Variants in ACSL3 observed in about 807,000 individuals in gnomAD.
The protein encoded by ACSL3 is acyl-CoA synthetase long chain family member 3.
ACSL3 carries 34 observed loss-of-function variants against 84.7 expected under a neutral mutation model. The observed-to-expected ratio is 0.40, with a 90% confidence interval of 0.31 to 0.53. The LOEUF is 0.53. ACSL3 is among the 20% of genes least tolerant of loss of function. ACSL3 has a pLI of 0.48. For missense variants in ACSL3, 680 were observed against 873.1 expected, an observed-to-expected ratio of 0.78 and a Z score of 2.79; for synonymous variants, 315 against 299.4, an observed-to-expected ratio of 1.05 and a Z score of -0.54.
rs1371376184 is a variant in ACSL3 at position 222,943,721 on chromosome 2, C to T, written c.*2067C>T. On this transcript the variant is annotated 3_prime_UTR_variant, in exon 17 of 17. Coordinates refer to ENST00000357430, the MANE Select transcript of ACSL3 (RefSeq NM_004457.5). Reference sequence around the variant, plus strand: ...AGAGTCCCCTTTTAAACAAATTTGTCTGTAAGCAAAACTATCTTTAGTGAC... The same window carrying T: ...AGAGTCCCCTTTTAAACAAATTTGTTTGTAAGCAAAACTATCTTTAGTGAC... 1 of 152,058 alleles carries T rather than the reference C, an allele frequency of 6.6e-6. No individual in the cohort carries two copies. Among genetic ancestry groups the T allele is most frequent in the African/African-American group, 2.4e-5 (1 of 41,426 alleles). 9.4% of individuals were successfully genotyped at this position (152,058 alleles called of 1,614,324 possible).
intron 1 of ACSL3, among the ~76,000 whole-genome samples, chr2:222,872,955 TG>T (rs1200884621): frequency 1.3e-5 from 2 of 152,096 alleles, no homozygotes; most frequent in Non-Finnish European, 2.9e-5. Context: ...GGCCACAGCA[TG>T]CATGAGACAG....
intron 1 of ACSL3, among the ~76,000 whole-genome samples, chr2:222,873,857 T>A (rs2106086800): frequency 6.6e-6 from 1 of 152,296 alleles, no homozygotes; most frequent in Non-Finnish European, 1.5e-5. Context: ...TTTGTTTTTC[T>A]TCATTAAATA....
chr2:222,920,604 TC>T (rs1696705774), intron 7 of ACSL3, among the ~76,000 whole-genome samples: 1 of 152,240 alleles, frequency 6.6e-6, no homozygotes, highest in South Asian at 2.1e-4. Context: ...TAATCTTGTC[TC>T]CCTGATACCT....
intron 11 of ACSL3, among the ~76,000 whole-genome samples, chr2:222,925,342 CAAA>C (rs34016050): frequency 2.8e-4 from 24 of 85,460 alleles, no homozygotes; most frequent in Middle Eastern, 6.8e-3. Context: ...ACTCTTGTCT[CAAA>C]AAAAAAAAAA....
rs147477718 is a variant in ACSL3 at position 222,927,101 on chromosome 2, G to T, written c.1377G>T (p.Thr459=). The T allele has an allele frequency of 5.6e-6, 9 of 1,614,132 alleles. No homozygotes were observed. Among genetic ancestry groups the T allele is most frequent in the Non-Finnish European group, 7.6e-6 (9 of 1,179,992 alleles). The part of the protein sequence containing the change: ...LCGGAPLSAT[T]QRFMNICFCC... Reference sequence around the variant, plus strand: ...GTGGCGCTCCACTTTCTGCAACCACGCAGCGATTCATGAACATCTGTTTCT... The same window carrying T: ...GTGGCGCTCCACTTTCTGCAACCACTCAGCGATTCATGAACATCTGTTTCT... The change falls in exon 12 of 17, where the codon ACG becomes ACT. Residue 459 remains threonine, a synonymous_variant. Coordinates refer to ENST00000357430, the MANE Select transcript of ACSL3 (RefSeq NM_004457.5).
At chr2:222,885,162 A>G (rs538435077) in intron 1 of ACSL3, among the ~76,000 whole-genome samples, 1 of 152,310 alleles carries the variant, frequency 6.6e-6, no homozygotes, top group South Asian at 2.1e-4. Context: ...TTACATACCT[A>G]GTAGGACCTG....
intron 4 of ACSL3, 60 bp from the exon 5 acceptor site, chr2:222,916,259 G>A (rs1574552081): frequency 8.8e-7 from 1 of 1,135,998 alleles, no homozygotes; most frequent in African/African-American, 1.6e-5. Flanking sequence ...ACGATATTCT[G>A]GTTTCTTCTG....
chr2:222,893,019 ATATTAT>A (rs1350759316), intron 2 of ACSL3, among the ~76,000 whole-genome samples: 1 of 152,124 alleles, frequency 6.6e-6, no homozygotes, highest in Non-Finnish European at 1.5e-5. Context: ...ATGCTAAGCC[ATATTAT>A]TATTATTGTT....
intron 4 of ACSL3, among the ~76,000 whole-genome samples, chr2:222,913,966 C>CATT (rs771171130): frequency 1.1e-4 from 16 of 152,112 alleles, no homozygotes; most frequent in Non-Finnish European, 1.3e-4. Flanking sequence ...TTATCATTAT[C>CATT]ATGATTATTA....
Position 222,921,393 on chromosome 2 carries a change from G to GGT in ACSL3, c.920_921dup (p.Ile308ValfsTer2). ...GATCTCACATAGTAACATTATTGCTGGTATAACTGGGATGGCAGAAAGGAT... is the reference window on the plus strand; with the variant it reads ...GATCTCACATAGTAACATTATTGCTGGTGTATAACTGGGATGGCAGAAAGGAT... On this transcript the variant is annotated frameshift_variant, in exon 8 of 17. Transcript: ENST00000357430. LOFTEE classifies it high-confidence loss of function. 6.3e-7 allele frequency: 1 copy of GGT among 1,593,634 alleles called. No homozygotes were observed. The highest frequency in any genetic ancestry group is 8.6e-7 in the Non-Finnish European group (1 of 1,163,478).
At chr2:222,862,185 T>C (rs7561624) in intron 1 of ACSL3, among the ~76,000 whole-genome samples, 71,225 of 152,130 alleles carry the variant, frequency 0.47, 17,148 homozygotes, top group African/African-American at 0.53. Context: ...ACGCACTGTT[T>C]GGAGAGCTTT....
At chr2:222,919,786 G>A (rs984603753) in intron 7 of ACSL3, among the ~76,000 whole-genome samples, 1 of 152,238 alleles carries the variant, frequency 6.6e-6, no homozygotes, top group African/African-American at 2.4e-5. Flanking sequence ...GTAATTAGAT[G>A]TAAGCATTCA....
At chr2:222,879,191 G>A (rs1001178185) in intron 1 of ACSL3, among the ~76,000 whole-genome samples, 17 of 152,112 alleles carry the variant, frequency 1.1e-4, no homozygotes, top group African/African-American at 3.6e-4. Context: ...GGTGGCGGGC[G>A]CTTGTAATCC....
chr2:222,911,593 A>G (rs568159526), intron 4 of ACSL3, among the ~76,000 whole-genome samples: 4 of 152,298 alleles, frequency 2.6e-5, no homozygotes, highest in South Asian at 2.1e-4. Context: ...TATCCCACAC[A>G]TATTTTATTC....
Position 222,942,410 on chromosome 2 carries a change from A to G in ACSL3, c.*756A>G, listed in dbSNP as rs911863435. ...ATTGGTCTCTAGTAGCTTACTGTCAAAATGTTCAATGAAGTCTTCTGTTCA... is the reference window on the plus strand; with the variant it reads ...ATTGGTCTCTAGTAGCTTACTGTCAGAATGTTCAATGAAGTCTTCTGTTCA... On this transcript the variant is annotated 3_prime_UTR_variant, in exon 17 of 17. Coordinates refer to ENST00000357430, the MANE Select transcript of ACSL3 (RefSeq NM_004457.5). 2.1e-5 allele frequency: 4 copies of G among 193,248 alleles called. No homozygotes were observed. The highest frequency in any genetic ancestry group is 9.3e-5 in the African/African-American group (4 of 43,194). 12.0% of individuals were successfully genotyped at this position (193,248 alleles called of 1,614,324 possible). A position where few individuals can be genotyped will look rare whatever the true frequency, so the allele number is the denominator to read the frequency against.
Position 222,942,146 on chromosome 2 carries a change from A to C in ACSL3, c.*492A>C, listed in dbSNP as rs1343570287. 9.9e-6 allele frequency: 2 copies of C among 201,470 alleles called. No individual in the cohort carries two copies. Among genetic ancestry groups the C allele is most frequent in the African/African-American group, 4.6e-5 (2 of 43,612 alleles). 12.5% of individuals were successfully genotyped at this position (201,470 alleles called of 1,614,324 possible). On this transcript the variant is annotated 3_prime_UTR_variant, in exon 17 of 17. Transcript: ENST00000357430. ...TTATGAATCAAATCATTGTTGAACAAAAGATTTGTTGCTGTGTAATTATTG... is the reference window on the plus strand; with the variant it reads ...TTATGAATCAAATCATTGTTGAACACAAGATTTGTTGCTGTGTAATTATTG...
At position 222,889,670 on chromosome 2, in the gene ACSL3, C is replaced by T. The variant is rs186031015; in HGVS notation, c.-148+1782C>T. Among the ~76,000 whole-genome samples the T allele has an allele frequency of 3.0e-3, 454 of 152,294 alleles. 2 individuals carry two copies. The highest frequency in any genetic ancestry group is 0.01 in the African/African-American group (432 of 41,582). ...CCTAGATGAGAAGTATGGAAGGAGA[C>T]GGAGACAGCAGCAAGTTTGCTCCTC... On this transcript the variant is annotated intron_variant, in intron 2 of 16. Transcript: ENST00000357430.
rs556670555 is a variant in ACSL3 at position 222,903,174 on chromosome 2, G to A, written c.-41+2394G>A. ...TTTTTTTGAGATGAGGTCTGGCTTC[G>A]TGGCCCAGGCCGGAGTGCAGTGGCA... On this transcript the variant is annotated intron_variant, in intron 3 of 16. Coordinates refer to ENST00000357430, the MANE Select transcript of ACSL3 (RefSeq NM_004457.5). Among the ~76,000 whole-genome samples, 6 of 152,046 alleles carry A rather than the reference G, an allele frequency of 3.9e-5. No individual in the cohort carries two copies. In the East Asian group the frequency reaches 5.8e-4, roughly 15 times the overall value.
chr2:222,934,487 T>G (rs763951495), intron 15 of ACSL3, 43 bp from the exon 16 acceptor site: 3 of 1,444,442 alleles, frequency 2.1e-6, no homozygotes, highest in South Asian at 3.1e-5. Context: ...GTCAACACAG[T>G]TCACCATTTT....
Sources: allele counts gnomAD v4.1 joint callset (sites outside exome capture counted in the v4.1 genomes callset), GRCh38; gene constraint gnomAD v4.1.1; transcripts MANE v1.5; gene names NCBI Gene and HGNC (gene_info 2026-07-23, HGNC 2026-07-21).